EVI5: variants seen among roughly 807,000 people sequenced by gnomAD.
EVI5 encodes ecotropic viral integration site 5.
Under a neutral mutation model 112.0 loss-of-function variants are expected in EVI5, and 73 were observed. That is an observed-to-expected ratio of 0.65 (90% CI 0.54 to 0.79). EVI5 has a LOEUF of 0.79. Among genes scored for constraint, EVI5 ranks in the 30% least tolerant of loss-of-function variants. The probability of loss-of-function intolerance (pLI) is 0.00; values close to 1 mark genes in which losing one functional copy is unlikely to be tolerated. For missense variants in EVI5, 900 were observed against 968.8 expected (o/e 0.93, Z 0.94); for synonymous variants, 305 against 319.9 (o/e 0.95, Z 0.50).
chr1:92,513,955 C>T lies in EVI5; in HGVS notation c.2182G>A (p.Gly728Ser). ...GGTTGGCCTGAGAAGCCCCTCTGGC[C>T]TTTTAGGCACCTGAGCTGTTAAAAC... is the stretch of plus-strand genomic sequence containing the variant. Reference protein sequence around the residue: ...ELNHELRCLKGQRGFSGQPPF... With the variant: ...ELNHELRCLKSQRGFSGQPPF... Residue 728 changes from glycine to serine, a missense_variant, in exon 20 of 20, where the codon GGC (glycine) becomes AGC (serine). Gly to Ser is a moderately conservative substitution (Grantham distance 56, BLOSUM62 0). Transcript: ENST00000684568. The T allele has an allele frequency of 6.4e-7, 1 of 1,562,892 alleles. No individual in the cohort carries two copies. The highest frequency in any genetic ancestry group is 8.7e-7 in the Non-Finnish European group (1 of 1,150,322).
At chr1:92,589,876 G>A (rs1673497606) in intron 18 of EVI5, among the ~76,000 whole-genome samples, 1 of 152,196 alleles carries the variant, frequency 6.6e-6, no homozygotes, top group Non-Finnish European at 1.5e-5. Context: ...CGTATGGGCA[G>A]ACTGACACCT....
chr1:92,532,588 T>C (rs1663061559), intron 19 of EVI5, among the ~76,000 whole-genome samples: 1 of 152,180 alleles, frequency 6.6e-6, no homozygotes, highest in Admixed American at 6.5e-5. Flanking sequence ...AAACAGTCTC[T>C]CAGACCACAG....
At chr1:92,612,995 G>A (rs189569501) in intron 16 of EVI5, among the ~76,000 whole-genome samples, 62 of 152,328 alleles carry the variant, frequency 4.1e-4, no homozygotes, top group African/African-American at 1.5e-3. Context: ...CAAAAGACTG[G>A]TGAGTCTTGA....
At chr1:92,614,796 T>A (rs1309267383) in intron 16 of EVI5, among the ~76,000 whole-genome samples, 1 of 148,276 alleles carries the variant, frequency 6.7e-6, no homozygotes, top group Non-Finnish European at 1.5e-5. Flanking sequence ...GTTATATATA[T>A]GTATGTGTAT....
rs1393737195 is a variant in EVI5 at position 92,736,717 on chromosome 1, C to T, written c.-81-90G>A. The T allele has an allele frequency of 4.6e-6, 4 of 867,894 alleles. No individual in the cohort carries two copies. The African/African-American group carries it at 5.0e-5, about 11-fold the overall frequency. The allele number at this position is 867,894 out of a possible 1,614,324, so 53.8% of individuals were successfully genotyped here. On this transcript the variant is annotated intron_variant, in intron 1 of 19. Coordinates refer to ENST00000684568, the MANE Select transcript of EVI5 (RefSeq NM_001350197.2). ...AATTCTGTTAGGATTTACTTAATAA[C>T]CATCATCAGAATATTCTCTTTGAGG...
intron 2 of EVI5, among the ~76,000 whole-genome samples, chr1:92,714,915 G>C (rs768721661): frequency 2.6e-5 from 4 of 152,058 alleles, no homozygotes; most frequent in Admixed American, 6.6e-5. Flanking sequence ...AAGTCAGAGA[G>C]ATGTTTTTCC....
In EVI5 at chr1:92,662,782, C is replaced by T. The variant is rs568671574; in HGVS notation, c.1329G>A (p.Glu443=). ...ELATIKQQSD[E]ASAKLEQAEN... ...CAGCTTGCTCCAGCTTAGCACTGGC[C>T]TCATCACTCTGCTGTTTGATGGTGG... Residue 443 remains glutamate (E), a synonymous_variant, in exon 13 of 20, where the codon GAG becomes GAA. Transcript: ENST00000684568. 2 of 1,289,332 alleles carry T rather than the reference C, an allele frequency of 1.6e-6. No individual in the cohort carries two copies. Among genetic ancestry groups the T allele is most frequent in the African/African-American group, 1.5e-5 (1 of 65,812 alleles). 79.9% of individuals were successfully genotyped at this position (1,289,332 alleles called of 1,614,324 possible).
At chr1:92,687,012 T>C (rs1171234173) in intron 9 of EVI5, among the ~76,000 whole-genome samples, 2 of 152,002 alleles carry the variant, frequency 1.3e-5, no homozygotes, top group African/African-American at 4.8e-5. Context: ...CTACCACTGG[T>C]TTTCTTCACA....
At position 92,702,100 on chromosome 1, in the gene EVI5, T is replaced by G. The variant is rs199996296; in HGVS notation, c.639+41A>C. The stretch of plus-strand genomic sequence containing the variant: ...TTTTAAACTCTCCAATCCAACTTAA[T>G]AAAAAATTTCATTGGACATTTAATA... On this transcript the variant is annotated intron_variant, in intron 5 of 19. Coordinates refer to ENST00000684568, the MANE Select transcript of EVI5 (RefSeq NM_001350197.2). 2.2e-5 allele frequency: 23 copies of G among 1,038,548 alleles called. No homozygotes were observed. In the African/African-American group the frequency reaches 2.4e-4, roughly 11 times the overall value. The allele number at this position is 1,038,548 out of a possible 1,614,324, so 64.3% of individuals were successfully genotyped here. A position where few individuals can be genotyped will look rare whatever the true frequency, so the allele number is the denominator to read the frequency against.
intron 19 of EVI5, among the ~76,000 whole-genome samples, chr1:92,529,857 T>C (rs1019495141): frequency 3.9e-5 from 6 of 152,212 alleles, no homozygotes; most frequent in Admixed American, 3.3e-4. Context: ...AATAAATCAA[T>C]GGGCATATTT....
chr1:92,786,241 A>G (rs1360136539), upstream of EVI5, among the ~76,000 whole-genome samples: 1 of 151,914 alleles, frequency 6.6e-6, no homozygotes, highest in Non-Finnish European at 1.5e-5. Flanking sequence ...TTCAGAAAAA[A>G]AAAAAAAAAA....
At chr1:92,566,320 T>C (rs906315891) in intron 18 of EVI5, among the ~76,000 whole-genome samples, 2 of 152,192 alleles carry the variant, frequency 1.3e-5, no homozygotes, top group Non-Finnish European at 2.9e-5. Flanking sequence ...GATGTTTTGG[T>C]CAATGACGGA....
Position 92,703,541 on chromosome 1 carries a change from T to C in EVI5, c.418A>G (p.Ile140Val), listed in dbSNP as rs200417120. Residue 140 changes from isoleucine (I) to valine (V), a missense_variant, in exon 4 of 20, where the codon ATT (isoleucine) becomes GTT (valine). By Grantham distance (29) the Ile-to-Val change is conservative. Transcript: ENST00000684568. ...AGGAGTTCTGAATACTGATCCTTAA[T>C]TGGCATACTTTGTGCACTGCATAAA... ...QLLCSAQSMP[I>V]KDQYSELLKM... 2.9e-5 allele frequency: 46 copies of C among 1,601,798 alleles called. No homozygotes were observed. The Middle Eastern group carries it at 6.7e-4, about 23-fold the overall frequency.
intron 10 of EVI5, among the ~76,000 whole-genome samples, chr1:92,675,800 C>CA (rs1666637212): frequency 6.6e-6 from 1 of 151,480 alleles, no homozygotes; most frequent in Admixed American, 6.6e-5. Context: ...ACTAAAAATA[C>CA]AAAAAATTAG....
At chr1:92,700,367 T>G (rs563089981) in intron 5 of EVI5, among the ~76,000 whole-genome samples, 1 of 152,334 alleles carries the variant, frequency 6.6e-6, no homozygotes, top group East Asian at 1.9e-4. Flanking sequence ...GTTACATTTC[T>G]AAACTGAAGT....
intron 19 of EVI5, among the ~76,000 whole-genome samples, chr1:92,540,193 G>C (rs967221160): frequency 6.6e-6 from 1 of 151,932 alleles, no homozygotes; most frequent in African/African-American, 2.4e-5. Context: ...ATGTTACTTG[G>C]GTATATACCC....
intron 18 of EVI5, among the ~76,000 whole-genome samples, chr1:92,574,106 C>G (rs1670686763): frequency 6.6e-6 from 1 of 152,076 alleles, no homozygotes; most frequent in South Asian, 2.1e-4. Flanking sequence ...AGCAGTAATT[C>G]TGGTGTTTGA....
At chr1:92,774,418 T>C (rs1375866723) in intron 1 of EVI5, among the ~76,000 whole-genome samples, 5 of 152,230 alleles carry the variant, frequency 3.3e-5, no homozygotes, top group Non-Finnish European at 7.3e-5. Context: ...GATTCATTTC[T>C]GACATACAAA....
intron 18 of EVI5, among the ~76,000 whole-genome samples, chr1:92,585,222 CA>C (rs60701144): frequency 7.5e-5 from 11 of 146,248 alleles, no homozygotes; most frequent in East Asian, 2.0e-4. Flanking sequence ...GACTCCATCT[CA>C]AAAAAAAAAA....
Sources: allele counts gnomAD v4.1 joint callset (sites outside exome capture counted in the v4.1 genomes callset), GRCh38; gene constraint gnomAD v4.1.1; transcripts MANE v1.5; gene names NCBI Gene and HGNC (gene_info 2026-07-23, HGNC 2026-07-21).